LUZP2: variants seen among roughly 807,000 people sequenced by gnomAD.
LUZP2 encodes leucine zipper protein 2.
Under a neutral mutation model 51.6 loss-of-function variants are expected in LUZP2, and 52 were observed. The ratio of observed to expected loss-of-function variants is 1.01; its 90% CI spans 0.81 to 1.27. The LOEUF is 1.27. LUZP2 is among the 50% of genes most tolerant of loss of function. The pLI is 0.00. For missense variants in LUZP2, 436 were observed against 395.4 expected (o/e 1.10, Z -0.87); for synonymous variants, 154 against 137.3 (o/e 1.12, Z -0.85).
chr11:24,866,979 C>T (rs1455398651), intron 5 of LUZP2, among the ~76,000 whole-genome samples: 2 of 152,076 alleles, frequency 1.3e-5, no homozygotes, highest in Non-Finnish European at 2.9e-5. Flanking sequence ...CCATTCCAGT[C>T]TTAAAAGCTG....
intron 7 of LUZP2, among the ~76,000 whole-genome samples, chr11:24,930,008 T>G (rs1197086395): frequency 6.6e-6 from 1 of 152,210 alleles, no homozygotes; most frequent in Non-Finnish European, 1.5e-5. Context: ...TTTTCACTGC[T>G]GCTACTTTAA....
chr11:24,993,072 A>G (rs1220757486), intron 9 of LUZP2, among the ~76,000 whole-genome samples: 1 of 152,194 alleles, frequency 6.6e-6, no homozygotes, highest in Non-Finnish European at 1.5e-5. Flanking sequence ...CTATTGATAT[A>G]TAAATTATCT....
chr11:24,803,348 C>CA (rs1194661433), intron 5 of LUZP2, among the ~76,000 whole-genome samples: 117 of 151,862 alleles, frequency 7.7e-4, no homozygotes, highest in Admixed American at 1.7e-3. Flanking sequence ...TGGCTATTAC[C>CA]AAAAAACAAA....
chr11:25,027,259 A>G (rs1472370666), intron 9 of LUZP2, among the ~76,000 whole-genome samples: 1 of 152,170 alleles, frequency 6.6e-6, no homozygotes, highest in Non-Finnish European at 1.5e-5. Context: ...AATTCATAAT[A>G]CAGCTTAGTA....
Position 24,611,911 on chromosome 11 carries a change from G to C in LUZP2, c.62+114606G>C. On this transcript the variant is annotated intron_variant, in intron 1 of 11. Transcript: ENST00000336930. The surrounding 1 kb of genome is among the most constrained non-coding windows in gnomAD (Gnocchi z 4.6). ...GGAGATAATATAAATGTAGTCTTGA[G>C]TCAGACAATATGTGTTATGCCAAGA... Among the ~76,000 whole-genome samples the C allele has an allele frequency of 6.6e-6, 1 of 152,170 alleles. No homozygotes were observed.
At chr11:24,612,457 A>G (rs1249098903) in intron 1 of LUZP2, among the ~76,000 whole-genome samples, 1 of 152,118 alleles carries the variant, frequency 6.6e-6, no homozygotes, top group East Asian at 1.9e-4. Context: ...TTGCCATGAT[A>G]TGCTCCCATT....
chr11:24,923,930 G>A (rs536821064), intron 7 of LUZP2, among the ~76,000 whole-genome samples: 10 of 152,204 alleles, frequency 6.6e-5, no homozygotes, highest in African/African-American at 1.7e-4. Flanking sequence ...AAGTAAAAAT[G>A]CAGATTCACT....
intron 6 of LUZP2, 142 bp from the exon 7 acceptor site, chr11:24,914,334 G>T (rs940801066): frequency 1.1e-5 from 7 of 634,656 alleles, no homozygotes; most frequent in African/African-American, 9.6e-5. Flanking sequence ...CAGAGCTAAG[G>T]GTTTCTGCTT....
At chr11:24,626,563 T>G (rs35055702) in intron 1 of LUZP2, among the ~76,000 whole-genome samples, 7,269 of 152,234 alleles carry the variant, frequency 0.048, 487 homozygotes, top group African/African-American at 0.15. Flanking sequence ...GTTGTAAGGA[T>G]GAGATGGGAG....
At chr11:24,998,558 C>A (rs187361301) in intron 9 of LUZP2, among the ~76,000 whole-genome samples, 23 of 152,134 alleles carry the variant, frequency 1.5e-4, no homozygotes, top group South Asian at 4.1e-4. Flanking sequence ...TGGAGTTCCA[C>A]GTATTTCTAC....
intron 1 of LUZP2, among the ~76,000 whole-genome samples, chr11:24,642,449 T>C (rs536900766): frequency 1.3e-5 from 2 of 152,002 alleles, no homozygotes; most frequent in East Asian, 3.9e-4. Flanking sequence ...TTGTTCTACA[T>C]GTTCAGTCCT....
rs768644965 is a variant in LUZP2 at position 24,767,886 on chromosome 11, T to C, written c.396+4578T>C. 4.0e-4 allele frequency among the ~76,000 whole-genome samples: 61 copies of C among 152,304 alleles called. 1 individual carries two copies. The Middle Eastern group carries it at 0.024, about 59-fold the overall frequency. On this transcript the variant is annotated intron_variant, in intron 5 of 11. Transcript: ENST00000336930. Reference sequence around the variant, plus strand: ...AACTTCCATACATATGGCAACTGCCTCATCATGTAGTCAATCTCCCATGCT... The same window carrying C: ...AACTTCCATACATATGGCAACTGCCCCATCATGTAGTCAATCTCCCATGCT...
chr11:24,845,805 C>T (rs937733335), intron 5 of LUZP2, among the ~76,000 whole-genome samples: 7 of 152,076 alleles, frequency 4.6e-5, no homozygotes, highest in Non-Finnish European at 8.8e-5. Context: ...TTGCCTTTCA[C>T]CATGATTGTG....
intron 9 of LUZP2, among the ~76,000 whole-genome samples, chr11:25,039,311 G>T (rs1276226058): frequency 1.3e-5 from 2 of 152,096 alleles, no homozygotes; most frequent in East Asian, 3.9e-4. Context: ...CTGCCAAAAT[G>T]CACTCAGGTG....
At chr11:24,862,212 C>T (rs1055835781) in intron 5 of LUZP2, among the ~76,000 whole-genome samples, 11 of 152,234 alleles carry the variant, frequency 7.2e-5, no homozygotes, top group African/African-American at 2.6e-4. Context: ...AGCAGAAACT[C>T]CACAAACCAC....
At chr11:24,503,800 A>G (rs1484745458) in intron 1 of LUZP2, among the ~76,000 whole-genome samples, 2 of 152,210 alleles carry the variant, frequency 1.3e-5, no homozygotes, top group Non-Finnish European at 2.9e-5. Flanking sequence ...GCTATTCTGT[A>G]ATTAAGCAAC....
chr11:24,873,786 A>G (rs1396883182), intron 5 of LUZP2, among the ~76,000 whole-genome samples: 1 of 152,184 alleles, frequency 6.6e-6, no homozygotes, highest in Non-Finnish European at 1.5e-5. Flanking sequence ...TGTGACATTG[A>G]ACAAGTCCCT....
rs1850607969 is a variant in LUZP2 at position 24,828,550 on chromosome 11, C to T, written c.396+65242C>T. Among the ~76,000 whole-genome samples the T allele has an allele frequency of 3.8e-5, 3 of 79,404 alleles. No individual in the cohort carries two copies. In the South Asian group the frequency reaches 2.0e-3, roughly 52 times the overall value. The allele number at this position is 79,404 out of a possible 152,430, so 52.1% of individuals were successfully genotyped here. ...CAGATACCTTGCACAGCTACCATCC[C>T]TGTGGCAGAAAAAAAAAAAAAAAAA... is the stretch of plus-strand genomic sequence containing the variant. On this transcript the variant is annotated intron_variant, in intron 5 of 11. Coordinates refer to ENST00000336930, the MANE Select transcript of LUZP2 (RefSeq NM_001009909.4).
chr11:24,937,047 A>AACACACAC (rs138164177), intron 7 of LUZP2, among the ~76,000 whole-genome samples: 3 of 149,606 alleles, frequency 2.0e-5, no homozygotes, highest in Non-Finnish European at 4.5e-5. Flanking sequence ...TGCAATGAGA[A>AACACACAC]ACACACACAC....
Sources: gnomAD v4.1 joint callset for allele counts (sites outside exome capture counted in the v4.1 genomes callset) on GRCh38, gnomAD v4.1.1 for gene constraint, Gnocchi (gnomAD v3.1) non-coding constraint, MANE v1.5 for transcripts, NCBI Gene and HGNC (gene_info 2026-07-23, HGNC 2026-07-21) for gene names.